Variants in NFKB1 observed in about 807,000 individuals in gnomAD.
The protein encoded by NFKB1 is nuclear factor NF-kappa-B p105 subunit.
NFKB1 carries 9 observed loss-of-function variants against 105.1 expected under a neutral mutation model. The observed-to-expected ratio is 0.09, with a 90% confidence interval of 0.05 to 0.15. The LOEUF (loss-of-function observed/expected upper bound fraction) is 0.15. NFKB1 is among the 10% of genes least tolerant of loss of function. The pLI, the probability that NFKB1 is intolerant of heterozygous loss-of-function variation, is 1.00. For synonymous variants in NFKB1, 440 were observed against 442.2 expected (o/e 1.00, Z 0.06); for missense variants, 830 against 1,203.7 (o/e 0.69, Z 4.59).
At chr4:102,504,019 C>A (rs1255934498) in intron 1 of NFKB1, among the ~76,000 whole-genome samples, 2 of 152,056 alleles carry the variant, frequency 1.3e-5, no homozygotes, top group Admixed American at 6.6e-5. Context: ...CTTATTTTTA[C>A]CTAATTTATG....
Position 102,606,659 on chromosome 4 carries a change from A to T in NFKB1, c.1916A>T (p.Lys639Ile). ...GTTCTCAGTATCTTACTCAAGCACA[A>T]AAAGGCAGCACTACTTCTTGACCAC... ...DKVLSILLKH[K>I]KAALLLDHPN... Residue 639 changes from lysine to isoleucine, a missense_variant, in exon 17 of 24, where the codon AAA (lysine) becomes ATA (isoleucine). Lys to Ile is a moderately radical substitution (Grantham distance 102). Coordinates refer to ENST00000226574, the MANE Select transcript of NFKB1 (RefSeq NM_003998.4). 3.7e-6 allele frequency: 6 copies of T among 1,614,216 alleles called. No individual in the cohort carries two copies. Among genetic ancestry groups the T allele is most frequent in the Non-Finnish European group, 5.1e-6 (6 of 1,180,038 alleles).
chr4:102,569,274 G>A (rs996536127), intron 6 of NFKB1, among the ~76,000 whole-genome samples: 5 of 152,172 alleles, frequency 3.3e-5, no homozygotes, highest in Middle Eastern at 3.4e-3. Flanking sequence ...AGGACTGGGG[G>A]CAAGTTACAT....
intron 11 of NFKB1, among the ~76,000 whole-genome samples, chr4:102,589,766 CTG>C (rs1170571449): frequency 1.3e-5 from 2 of 151,934 alleles, no homozygotes; most frequent in African/African-American, 4.8e-5. Context: ...ACCTCATTGA[CTG>C]TATTTAATTT....
At chr4:102,594,796 C>T in intron 12 of NFKB1, 96 bp from the exon 13 acceptor site, 1 of 833,690 alleles carries the variant, frequency 1.2e-6, no homozygotes, top group Non-Finnish European at 2.0e-6. Context: ...CCTGTCACAC[C>T]AAAGGCTGTG....
intron 1 of NFKB1, among the ~76,000 whole-genome samples, chr4:102,508,071 A>G (rs1739543883): frequency 6.6e-6 from 1 of 152,226 alleles, no homozygotes; most frequent in East Asian, 1.9e-4. Context: ...TGGATGTTTT[A>G]ACACAAATTC....
intron 5 of NFKB1, among the ~76,000 whole-genome samples, chr4:102,540,757 GAGAA>G (rs534332328): frequency 5.1e-4 from 78 of 152,076 alleles, no homozygotes; most frequent in Non-Finnish European, 7.5e-4. Flanking sequence ...ATGGGTAGGA[GAGAA>G]AGAAAGAGAC....
intron 16 of NFKB1, among the ~76,000 whole-genome samples, chr4:102,604,373 A>G (rs1560714247): frequency 1.3e-5 from 2 of 152,172 alleles, no homozygotes; most frequent in Non-Finnish European, 2.9e-5. Flanking sequence ...AGGAAACCAG[A>G]GGTCTCTTCA....
chr4:102,606,928 T>TTACTCA (rs1727802718), intron 17 of NFKB1, among the ~76,000 whole-genome samples: 1 of 152,238 alleles, frequency 6.6e-6, no homozygotes, highest in South Asian at 2.1e-4. Context: ...AGATTCATCT[T>TTACTCA]GAAGTACACA....
chr4:102,582,763 A>G (rs1008089365), intron 9 of NFKB1, 103 bp from the exon 10 acceptor site: 6 of 660,432 alleles, frequency 9.1e-6, no homozygotes, highest in Non-Finnish European at 1.5e-5. Flanking sequence ...TAAAAGTGTA[A>G]ATAGATAGTA....
intron 6 of NFKB1, among the ~76,000 whole-genome samples, chr4:102,574,615 C>T (rs1024481801): frequency 2.0e-5 from 3 of 152,150 alleles, no homozygotes; most frequent in Non-Finnish European, 4.4e-5. Flanking sequence ...TGTGCTGCAG[C>T]CTGGGACTCT....
Position 102,596,687 on chromosome 4 carries a change from C to T in NFKB1, c.1495+355C>T, listed in dbSNP as rs1035371137. On this transcript the variant is annotated intron_variant, in intron 14 of 23. Coordinates refer to ENST00000226574, the MANE Select transcript of NFKB1 (RefSeq NM_003998.4). ...CACCCTGTCTAGATTCTGGCTTAAC[C>T]GTCATACTGAAATAGAACTTTGCCT... Among the ~76,000 whole-genome samples, 4 of 152,052 alleles carry T rather than the reference C, an allele frequency of 2.6e-5. No homozygotes were observed. The South Asian group carries it at 6.2e-4, about 24-fold the overall frequency.
At position 102,501,544 on chromosome 4, in the gene NFKB1, A is replaced by C. The variant is rs1377137503; in HGVS notation, c.-252A>C. The C allele has an allele frequency of 4.1e-5, 6 of 146,052 alleles. No individual in the cohort carries two copies. The highest frequency in any genetic ancestry group is 1.4e-4 in the Admixed American group (2 of 14,710). The allele number at this position is 146,052 out of a possible 1,614,324, so 9.0% of individuals were successfully genotyped here. On this transcript the variant is annotated 5_prime_UTR_variant, in exon 1 of 24. Coordinates refer to ENST00000226574, the MANE Select transcript of NFKB1 (RefSeq NM_003998.4). ...CCGCCGAGGCCGCAGCCGCCCGGCC[A>C]GTAAGGCGGCGCCGCCGCCCGGCCA...
intron 9 of NFKB1, among the ~76,000 whole-genome samples, chr4:102,582,192 TACTC>T (rs1468821650): frequency 6.6e-6 from 1 of 152,200 alleles, no homozygotes; most frequent in African/African-American, 2.4e-5. Flanking sequence ...TTTGACCAAT[TACTC>T]AATATGAACT....
At chr4:102,560,233 T>G (rs920530221) in intron 5 of NFKB1, among the ~76,000 whole-genome samples, 3 of 152,164 alleles carry the variant, frequency 2.0e-5, no homozygotes, top group African/African-American at 7.2e-5. Flanking sequence ...GAATTAGCAA[T>G]AGTGTGTTAC....
At chr4:102,564,150 A>AAAAAAGCGC (rs1723664282) in intron 5 of NFKB1, among the ~76,000 whole-genome samples, 1 of 152,092 alleles carries the variant, frequency 6.6e-6, no homozygotes, top group South Asian at 2.1e-4. Context: ...AGAGCCTGCA[A>AAAAAAGCGC]TGTTCAGACG....
chr4:102,507,049 ATATT>A (rs1739463932), intron 1 of NFKB1, among the ~76,000 whole-genome samples: 1 of 148,920 alleles, frequency 6.7e-6, no homozygotes. Flanking sequence ...TATTTAATAT[ATATT>A]AGTTACAAAT....
chr4:102,517,081 T>C (rs913207009), intron 1 of NFKB1, among the ~76,000 whole-genome samples: 2 of 152,188 alleles, frequency 1.3e-5, no homozygotes, highest in Non-Finnish European at 2.9e-5. Flanking sequence ...TCCTACACTA[T>C]CACAGCTTGG....
At chr4:102,509,644 T>TC (rs1212098841) in intron 1 of NFKB1, among the ~76,000 whole-genome samples, 1 of 152,160 alleles carries the variant, frequency 6.6e-6, no homozygotes, top group African/African-American at 2.4e-5. Context: ...CAGATTGGTA[T>TC]CCCCAGCACA....
At chr4:102,575,882 G>A (rs1156455120) in intron 6 of NFKB1, among the ~76,000 whole-genome samples, 1 of 152,154 alleles carries the variant, frequency 6.6e-6, no homozygotes, top group Admixed American at 6.5e-5. Flanking sequence ...ATTCAGTGAA[G>A]GTAGAGATTC....
Sources: gnomAD v4.1 joint callset for allele counts (sites outside exome capture counted in the v4.1 genomes callset) on GRCh38, gnomAD v4.1.1 for gene constraint, MANE v1.5 for transcripts, NCBI Gene and HGNC (gene_info 2026-07-23, HGNC 2026-07-21) for gene names.